ZNF676: variants seen among roughly 807,000 people sequenced by gnomAD.
ZNF676 encodes the protein zinc finger protein 676.
In ZNF676, 4 loss-of-function variants were observed where a neutral mutation model predicts 6.0. That is an observed-to-expected ratio of 0.67 (90% confidence interval 0.33 to 1.53). ZNF676 has a LOEUF of 1.53. Ranked by LOEUF, ZNF676 falls within the 40% of genes most tolerant of loss-of-function variation. The pLI, the probability that ZNF676 is intolerant of heterozygous loss-of-function variation, is 0.06. For missense variants in ZNF676, 644 were observed against 679.7 expected, an observed-to-expected ratio of 0.95 and a Z score of 0.58; for synonymous variants, 198 against 223.1, an observed-to-expected ratio of 0.89 and a Z score of 1.00.
At chr19:22,213,572 C>G (rs998134905) in intron 1 of ZNF676, among the ~76,000 whole-genome samples, 1 of 144,830 alleles carries the variant, frequency 6.9e-6, no homozygotes, top group African/African-American at 2.9e-5. Flanking sequence ...AGGCTACACT[C>G]CATACCTCAG....
chr19:22,191,000 C>CT (rs938727603), intron 2 of ZNF676, among the ~76,000 whole-genome samples: 2 of 151,996 alleles, frequency 1.3e-5, no homozygotes, highest in Non-Finnish European at 2.9e-5. Flanking sequence ...GCAAGAAAGT[C>CT]TGTCAGTCAT....
chr19:22,194,810 G>T (rs553355398), intron 1 of ZNF676, among the ~76,000 whole-genome samples: 1 of 152,244 alleles, frequency 6.6e-6, no homozygotes, highest in African/African-American at 2.4e-5. Context: ...CACTTCAAGG[G>T]TTGGTCCCAG....
chr19:22,236,122 T>C, the ZNF676 span, among the ~76,000 whole-genome samples: 6 of 151,858 alleles, frequency 4.0e-5, no homozygotes, highest in South Asian at 2.1e-4. Flanking sequence ...CTGAAATCCC[T>C]CCACGGATGC....
chr19:22,182,585 T>TAAAAAAAAAAAAA (rs67699215), intron 2 of ZNF676, among the ~76,000 whole-genome samples: 2 of 45,042 alleles, frequency 4.4e-5, no homozygotes, highest in African/African-American at 2.1e-4. Flanking sequence ...GTCAAAGTTC[T>TAAAAAAAAAAAAA]AAAAAAAAAA....
intron 1 of ZNF676, among the ~76,000 whole-genome samples, chr19:22,204,902 G>A (rs2024061646): frequency 6.6e-6 from 1 of 152,026 alleles, no homozygotes; most frequent in African/African-American, 2.4e-5. Flanking sequence ...ATTTCAAAAA[G>A]CAGAAGAAAT....
intron 1 of ZNF676, chr19:22,203,538 A>G (rs1210742354): frequency 6.6e-6 from 1 of 152,178 alleles, no homozygotes; most frequent in Non-Finnish European, 1.5e-5. Context: ...CAAAGTGCAT[A>G]GCTACTCTCA....
intron 2 of ZNF676, among the ~76,000 whole-genome samples, chr19:22,191,471 G>A (rs959995907): frequency 2.0e-5 from 3 of 152,054 alleles, no homozygotes; most frequent in East Asian, 3.9e-4. Flanking sequence ...CCTTACTGTC[G>A]TCCCAATAGC....
At chr19:22,238,300 T>A in the ZNF676 span, among the ~76,000 whole-genome samples, 1 of 152,084 alleles carries the variant, frequency 6.6e-6, no homozygotes, top group African/African-American at 2.4e-5. Flanking sequence ...TCCACCTGCC[T>A]CAGCACCCCC....
the ZNF676 span, among the ~76,000 whole-genome samples, chr19:22,248,062 C>G: frequency 1.9e-4 from 18 of 93,834 alleles, no homozygotes; most frequent in African/African-American, 7.2e-4. Flanking sequence ...CATGTCCCTA[C>G]AAAGGAAACG....
chr19:22,202,357 A>G (rs2024034569), intron 1 of ZNF676, among the ~76,000 whole-genome samples: 1 of 152,218 alleles, frequency 6.6e-6, no homozygotes, highest in African/African-American at 2.4e-5. Context: ...AAGTGACTGC[A>G]GAGGATGATA....
rs527693918 is a variant in ZNF676, at chr19:22,192,078, C to T, written c.130+938G>A. Among the ~76,000 whole-genome samples the T allele has an allele frequency of 5.9e-5, 9 of 152,152 alleles. No individual in the cohort carries two copies. In the South Asian group the frequency reaches 1.0e-3, roughly 18 times the overall value. The stretch of plus-strand genomic sequence containing the variant: ...TCATGCAATGTTCTCTATAAAAAAC[C>T]ATAAACAGTACATTAAAATCTTTTC... On this transcript the variant is annotated intron_variant, in intron 2 of 2. Transcript: ENST00000397121.
At chr19:22,200,859 A>C (rs1045066141), upstream of ZNF676, among the ~76,000 whole-genome samples, 1 of 150,640 alleles carries the variant, frequency 6.6e-6, no homozygotes, top group South Asian at 2.1e-4. Context: ...TGCTTCTTCT[A>C]TTTTTTTTTA....
chr19:22,234,825 T>A, the ZNF676 span, among the ~76,000 whole-genome samples: 2 of 151,778 alleles, frequency 1.3e-5, no homozygotes, highest in Non-Finnish European at 2.9e-5. Flanking sequence ...TCCTAGCTAC[T>A]CAGGAGGCTG....
At chr19:22,198,055 A>T (rs991180225), upstream of ZNF676, among the ~76,000 whole-genome samples, 5 of 152,148 alleles carry the variant, frequency 3.3e-5, no homozygotes, top group African/African-American at 9.7e-5. Flanking sequence ...AATTTTTTTT[A>T]GAATTTTCTG....
At chr19:22,224,614 T>C in the ZNF676 span, among the ~76,000 whole-genome samples, 94 of 152,308 alleles carry the variant, frequency 6.2e-4, no homozygotes, top group Middle Eastern at 3.4e-3. Flanking sequence ...AGAAAAGATT[T>C]ATAATTCTTC....
At chr19:22,218,742 T>C (rs2024219055), upstream of ZNF676, among the ~76,000 whole-genome samples, 1 of 152,158 alleles carries the variant, frequency 6.6e-6, no homozygotes, top group Non-Finnish European at 1.5e-5. Context: ...CATATCTTTG[T>C]TTACTTTGTC....
chr19:22,212,511 C>G (rs1374240905), intron 1 of ZNF676, among the ~76,000 whole-genome samples: 1 of 151,834 alleles, frequency 6.6e-6, no homozygotes, highest in Non-Finnish European at 1.5e-5. Context: ...GCTCAAACAG[C>G]CTGGCCAACA....
intron 1 of ZNF676, among the ~76,000 whole-genome samples, chr19:22,215,040 C>CAAAAAAAA (rs1159376851): frequency 1.9e-5 from 1 of 51,432 alleles, no homozygotes; most frequent in African/African-American, 8.5e-5. Context: ...GACTCCATCT[C>CAAAAAAAA]AAAAAAAAAA....
At chr19:22,242,177 T>G in the ZNF676 span, among the ~76,000 whole-genome samples, 2 of 151,956 alleles carry the variant, frequency 1.3e-5, no homozygotes, top group Non-Finnish European at 2.9e-5. Flanking sequence ...GGCCAAGATG[T>G]ATGTAACAAT....
Sources: allele counts gnomAD v4.1 joint callset (sites outside exome capture counted in the v4.1 genomes callset), GRCh38; gene constraint gnomAD v4.1.1; transcripts MANE v1.5; gene names NCBI Gene and HGNC (gene_info 2026-07-23, HGNC 2026-07-21).